The following GRIN2A variants were observed in gnomAD, a reference collection of about 807,000 sequenced individuals.
The protein encoded by GRIN2A is glutamate receptor ionotropic, NMDA 2A.
A neutral mutation model predicts 113.4 loss-of-function variants in GRIN2A; 22 were observed. That is an observed-to-expected ratio of 0.19 (90% CI 0.14 to 0.28). The LOEUF (loss-of-function observed/expected upper bound fraction) is 0.28, where lower values mean the gene tolerates loss of function less well. GRIN2A is among the 10% of genes least tolerant of loss of function. GRIN2A has a pLI of 1.00. For synonymous variants in GRIN2A, 827 were observed against 738.4 expected (o/e 1.12, Z -1.94); for missense variants, 1,502 against 1,887.0 (o/e 0.80, Z 3.78).
intron 2 of GRIN2A, among the ~76,000 whole-genome samples, chr16:10,039,806 G>GA (rs1555469296): frequency 1.5e-4 from 8 of 54,570 alleles, no homozygotes; most frequent in Non-Finnish European, 2.3e-4. Flanking sequence ...GGGGGAGGGG[G>GA]GGGAGAAAGA....
intron 8 of GRIN2A, among the ~76,000 whole-genome samples, chr16:9,831,619 G>A (rs1188152293): frequency 6.6e-6 from 1 of 151,458 alleles, no homozygotes; most frequent in Non-Finnish European, 1.5e-5. Context: ...GGGTTCAAGG[G>A]ATTCTCCTGT....
intron 4 of GRIN2A, among the ~76,000 whole-genome samples, chr16:9,856,195 G>A (rs547661026): frequency 6.6e-6 from 1 of 152,230 alleles, no homozygotes; most frequent in Non-Finnish European, 1.5e-5. Context: ...TATGTTTCTT[G>A]CTCAGGTCAG....
intron 2 of GRIN2A, among the ~76,000 whole-genome samples, chr16:10,131,063 A>AAGG (rs1229775158): frequency 1.3e-5 from 2 of 152,234 alleles, no homozygotes; most frequent in African/African-American, 4.8e-5. Flanking sequence ...AAAGCACTTA[A>AAGG]AAAATTCAAG....
chr16:9,837,118 A>G (rs2042594876), intron 7 of GRIN2A, among the ~76,000 whole-genome samples: 2 of 152,230 alleles, frequency 1.3e-5, no homozygotes. Context: ...TGGCTCTTCC[A>G]GATGACTAAG....
intron 10 of GRIN2A, among the ~76,000 whole-genome samples, chr16:9,817,489 A>AACTG (rs767249964): frequency 2.0e-5 from 3 of 152,208 alleles, no homozygotes; most frequent in Non-Finnish European, 4.4e-5. Flanking sequence ...CTTTCTGCAA[A>AACTG]ACTGACAGTT....
At chr16:9,890,898 A>G (rs1032939256) in intron 4 of GRIN2A, 88 bp downstream of exon 4, 103 of 844,402 alleles carry the variant, frequency 1.2e-4, no homozygotes, top group Non-Finnish European at 1.9e-4. Flanking sequence ...CTCAACAGGA[A>G]ATGCGTGGGA....
chr16:10,008,169 G>A (rs560177831), intron 2 of GRIN2A, among the ~76,000 whole-genome samples: 10 of 152,074 alleles, frequency 6.6e-5, no homozygotes, highest in South Asian at 2.1e-4. Flanking sequence ...GAGCCTTGAC[G>A]GCTCCTGCTT....
chr16:10,109,269 C>T (rs1406457200), intron 2 of GRIN2A, among the ~76,000 whole-genome samples: 1 of 151,758 alleles, frequency 6.6e-6, no homozygotes, highest in Non-Finnish European at 1.5e-5. Flanking sequence ...AAATTGAACC[C>T]ATAGTTTAAA....
At chr16:9,776,790 A>G (rs1430261287) in intron 11 of GRIN2A, among the ~76,000 whole-genome samples, 2 of 151,976 alleles carry the variant, frequency 1.3e-5, no homozygotes, top group Non-Finnish European at 2.9e-5. Context: ...TGGGTTTCTC[A>G]GAAGCCCGAT....
intron 10 of GRIN2A, among the ~76,000 whole-genome samples, chr16:9,813,398 CA>C: frequency 6.6e-6 from 1 of 152,062 alleles, no homozygotes; most frequent in East Asian, 1.9e-4. Flanking sequence ...CTAGCTATTG[CA>C]AGTAATACTG....
At chr16:9,896,608 T>C (rs1281829056) in intron 3 of GRIN2A, among the ~76,000 whole-genome samples, 2 of 152,204 alleles carry the variant, frequency 1.3e-5, no homozygotes, top group Admixed American at 1.3e-4. Context: ...TTCAATATTC[T>C]GGGTGAATGA....
At chr16:10,044,042 G>GAC (rs1768630901) in intron 2 of GRIN2A, among the ~76,000 whole-genome samples, 12 of 145,300 alleles carry the variant, frequency 8.3e-5, no homozygotes, top group East Asian at 2.1e-4. Context: ...GAGAGAGAGA[G>GAC]AGAGACAGAG....
chr16:9,845,394 C>G (rs1202090939), intron 5 of GRIN2A, among the ~76,000 whole-genome samples: 1 of 152,136 alleles, frequency 6.6e-6, no homozygotes, highest in Non-Finnish European at 1.5e-5. Flanking sequence ...TTCTGGAGCA[C>G]ACGGGGCCTC....
At chr16:10,157,470 C>G (rs1434929005) in intron 2 of GRIN2A, among the ~76,000 whole-genome samples, 1 of 152,132 alleles carries the variant, frequency 6.6e-6, no homozygotes, top group Non-Finnish European at 1.5e-5. Flanking sequence ...AAAAATACTA[C>G]CAGAGACGGG....
intron 2 of GRIN2A, among the ~76,000 whole-genome samples, chr16:10,046,139 C>T (rs1490294736): frequency 1.3e-5 from 2 of 152,034 alleles, no homozygotes; most frequent in African/African-American, 2.4e-5. Context: ...GGGGTGAGCA[C>T]GTGATCCAGT....
chr16:9,867,865 AC>A (rs555361287), intron 4 of GRIN2A, among the ~76,000 whole-genome samples: 79 of 151,570 alleles, frequency 5.2e-4, no homozygotes, highest in Non-Finnish European at 9.4e-4. Flanking sequence ...TCCAGTTATC[AC>A]CTCTCTTGAC....
intron 10 of GRIN2A, among the ~76,000 whole-genome samples, chr16:9,817,756 A>G (rs1279590103): frequency 1.3e-5 from 2 of 152,362 alleles, no homozygotes; most frequent in East Asian, 3.9e-4. Context: ...CCAGAAAATT[A>G]CAACCCACAA....
intron 10 of GRIN2A, among the ~76,000 whole-genome samples, chr16:9,803,740 C>T (rs554415743): frequency 6.6e-6 from 1 of 152,304 alleles, no homozygotes; most frequent in South Asian, 2.1e-4. Flanking sequence ...AGTAAAGTGA[C>T]TCAGCACTAC....
intron 3 of GRIN2A, among the ~76,000 whole-genome samples, chr16:9,903,248 G>C (rs903582079): frequency 2.4e-4 from 36 of 152,080 alleles, no homozygotes; most frequent in African/African-American, 8.2e-4. Flanking sequence ...GATTACAGGC[G>C]TGAGTCACCG....
Sources: gnomAD v4.1 joint callset for allele counts (sites outside exome capture counted in the v4.1 genomes callset) on GRCh38, gnomAD v4.1.1 for gene constraint, MANE v1.5 for transcripts, NCBI Gene and HGNC (gene_info 2026-07-23, HGNC 2026-07-21) for gene names.